Variants in PLEKHA7 observed in about 807,000 individuals in gnomAD.
PLEKHA7 encodes pleckstrin homology domain containing A7.
In PLEKHA7, 104 loss-of-function variants were observed where a neutral mutation model predicts 170.0. That is an observed-to-expected ratio of 0.61 (90% CI 0.52 to 0.72). PLEKHA7 has a LOEUF of 0.72. Among genes scored for constraint, PLEKHA7 ranks in the 30% least tolerant of loss-of-function variants. The pLI, the probability that PLEKHA7 is intolerant of heterozygous loss-of-function variation, is 0.00. For synonymous variants in PLEKHA7, 648 were observed against 660.8 expected, an observed-to-expected ratio of 0.98 and a Z score of 0.30; for missense variants, 1,615 against 1,671.7, an observed-to-expected ratio of 0.97 and a Z score of 0.59.
chr11:16,847,724 C>A lies in PLEKHA7; in HGVS notation c.696+3467G>T, dbSNP rs972136914. Among the ~76,000 whole-genome samples the A allele has an allele frequency of 1.7e-4, 26 of 151,936 alleles. 1 individual carries two copies. The South Asian group carries it at 5.2e-3, about 30-fold the overall frequency. On this transcript the variant is annotated intron_variant, in intron 8 of 26. Transcript: ENST00000531066. The stretch of plus-strand genomic sequence containing the variant: ...GGGCGCAGTGGCAGGTGCCTGTAAT[C>A]CCAGCCACTCGGAAGGCTAAGGCAG...
chr11:16,890,088 A>G (rs1469605930), intron 3 of PLEKHA7, among the ~76,000 whole-genome samples: 7 of 152,196 alleles, frequency 4.6e-5, no homozygotes, highest in Non-Finnish European at 7.3e-5. Context: ...AATGTTTCCT[A>G]GACAAGCAAA....
At position 16,951,382 on chromosome 11, in the gene PLEKHA7, G is replaced by GACA. The variant is rs538532177; in HGVS notation, c.221+62604_221+62606dup. On this transcript the variant is annotated intron_variant, in intron 3 of 26. Coordinates refer to ENST00000531066, the MANE Select transcript of PLEKHA7 (RefSeq NM_001329630.2). ...TGATGATGATGATGATGACGAAGAAGACAACAACAATAACGGTGCATTCTA... is the reference window on the plus strand; with the variant it reads ...TGATGATGATGATGATGACGAAGAAGACAACAACAACAATAACGGTGCATTCTA... Among the ~76,000 whole-genome samples, 30 of 152,312 alleles carry GACA rather than the reference G, an allele frequency of 2.0e-4. 1 individual carries two copies. The South Asian group carries it at 6.0e-3, about 31-fold the overall frequency.
intron 9 of PLEKHA7, among the ~76,000 whole-genome samples, chr11:16,840,026 T>C (rs1334481431): frequency 6.6e-6 from 1 of 152,120 alleles, no homozygotes; most frequent in Non-Finnish European, 1.5e-5. Context: ...CGCAGGCTAC[T>C]GGCAGAGTCT....
At chr11:16,888,750 T>C (rs1856376207) in intron 3 of PLEKHA7, among the ~76,000 whole-genome samples, 1 of 152,136 alleles carries the variant, frequency 6.6e-6, no homozygotes, top group Non-Finnish European at 1.5e-5. Context: ...CCAGAGACCC[T>C]TGTTCACTTG....
chr11:16,953,628 A>G (rs1479587288), intron 3 of PLEKHA7, among the ~76,000 whole-genome samples: 2 of 152,196 alleles, frequency 1.3e-5, no homozygotes, highest in African/African-American at 4.8e-5. Context: ...AAACTTACAC[A>G]AAGTTTATAT....
In PLEKHA7 at chr11:16,826,469, T is replaced by C. The variant is rs537153018; in HGVS notation, c.994A>G (p.Ile332Val). Reference protein sequence around the residue: ...RDCPHRGHDDIVNFERQEQEG... With the variant: ...RDCPHRGHDDVVNFERQEQEG... ...TGCTCCTGCCTCTCGAAGTTGACAA[T>C]GTCATCATGGCCACGATGAGGACAA... Residue 332 changes from isoleucine (I) to valine (V), a missense_variant, in exon 10 of 27, where the codon ATT becomes GTT. By Grantham distance (29) the Ile-to-Val change is conservative. Transcript: ENST00000531066. 2.7e-5 allele frequency: 44 copies of C among 1,614,216 alleles called. No individual in the cohort carries two copies. In the East Asian group the frequency reaches 6.0e-4, roughly 22 times the overall value.
chr11:16,866,460 C>T lies in PLEKHA7; in HGVS notation c.305+4639G>A, dbSNP rs139088284. ...TACAAAAATTAGCTGGGTGTGGTGG[C>T]GGGCACCTGTAATCCCAGCTACTCG... On this transcript the variant is annotated intron_variant, in intron 4 of 26. Coordinates refer to ENST00000531066, the MANE Select transcript of PLEKHA7 (RefSeq NM_001329630.2). 8.0e-3 allele frequency among the ~76,000 whole-genome samples: 1,214 copies of T among 152,048 alleles called. 19 individuals are homozygous for T. The highest frequency in any genetic ancestry group is 0.027 in the African/African-American group (1,114 of 41,486).
intron 3 of PLEKHA7, among the ~76,000 whole-genome samples, chr11:17,005,182 T>C (rs1181164062): frequency 6.6e-6 from 1 of 152,208 alleles, no homozygotes; most frequent in Non-Finnish European, 1.5e-5. Flanking sequence ...GCTGTCTTAA[T>C]TTTTTTCCAA....
Position 16,921,941 on chromosome 11 carries a change from C to T in PLEKHA7, c.222-50759G>A, listed in dbSNP as rs564376235. Among the ~76,000 whole-genome samples the T allele has an allele frequency of 4.4e-4, 67 of 152,328 alleles. No homozygotes were observed. In the South Asian group the frequency reaches 5.6e-3, roughly 13 times the overall value. ...TCCAGTTGCTCTTAGGACTAATATT[C>T]CCTAATCCTGGCTGGACCAGAGAAG... is the stretch of plus-strand genomic sequence containing the variant. On this transcript the variant is annotated intron_variant, in intron 3 of 26. Transcript: ENST00000531066.
chr11:16,826,044 G>C (rs1307772276), intron 10 of PLEKHA7, 76 bp downstream of exon 10: 23 of 1,439,806 alleles, frequency 1.6e-5, no homozygotes, highest in African/African-American at 2.8e-5. Flanking sequence ...TACGCAGCAA[G>C]TGCTGGCTAA....
At chr11:16,925,093 T>C (rs1590632449) in intron 3 of PLEKHA7, among the ~76,000 whole-genome samples, 1 of 151,646 alleles carries the variant, frequency 6.6e-6, no homozygotes, top group South Asian at 2.1e-4. Context: ...CTTGGCGGGG[T>C]CGCCTTTGCC....
intron 3 of PLEKHA7, among the ~76,000 whole-genome samples, chr11:16,935,473 G>T (rs921925865): frequency 1.3e-5 from 2 of 152,242 alleles, no homozygotes; most frequent in African/African-American, 4.8e-5. Flanking sequence ...AGGGGTAAAG[G>T]CATGTCAGTG....
chr11:16,791,851 AC>A lies in PLEKHA7; in HGVS notation c.2746-653del. The A allele has an allele frequency of 2.7e-6, 1 of 366,844 alleles. No homozygotes were observed. Among genetic ancestry groups the A allele is most frequent in the East Asian group, 7.5e-5 (1 of 13,276 alleles). 22.7% of individuals were successfully genotyped at this position (366,844 alleles called of 1,614,324 possible). ...TGATGAATGCAACATTTTCCTTGAA[AC>A]TCCCTGTCCACAGTGTTCTGTGAGG... On this transcript the variant is annotated intron_variant, in intron 19 of 26. Transcript: ENST00000531066. This position sits in a 1 kb window ranked among gnomAD's most constrained non-coding sequence, Gnocchi z 4.5.
intron 23 of PLEKHA7, chr11:16,787,406 C>CAAT (rs3065388): frequency 0.3 from 47,686 of 159,892 alleles, 7,703 homozygotes; most frequent in East Asian, 0.4. Flanking sequence ...CACAAGCTCT[C>CAAT]AATGACTCCA....
chr11:16,803,660 C>A, intron 13 of PLEKHA7: 1 of 224,414 alleles, frequency 4.5e-6, no homozygotes, highest in Non-Finnish European at 9.1e-6. Flanking sequence ...TACTACTGAA[C>A]GTGGGAACAA....
Position 16,946,653 on chromosome 11 carries a change from G to A in PLEKHA7, c.221+67336C>T, listed in dbSNP as rs560237110. 1.8e-4 allele frequency among the ~76,000 whole-genome samples: 28 copies of A among 152,174 alleles called. 1 individual carries two copies. The South Asian group carries it at 5.6e-3, about 31-fold the overall frequency. On this transcript the variant is annotated intron_variant, in intron 3 of 26. Coordinates refer to ENST00000531066, the MANE Select transcript of PLEKHA7 (RefSeq NM_001329630.2). ...GTACCTAATTAGAATGGCAAATCAG[G>A]ATATCTGAAGGCTCTAGGTTTTGAA...
At chr11:16,893,527 G>A (rs1856807784) in intron 3 of PLEKHA7, among the ~76,000 whole-genome samples, 1 of 152,156 alleles carries the variant, frequency 6.6e-6, no homozygotes, top group Non-Finnish European at 1.5e-5. Context: ...CACTGTTGGG[G>A]CTGAGAAAGT....
chr11:17,001,120 C>T (rs1207865982), intron 3 of PLEKHA7, among the ~76,000 whole-genome samples: 1 of 152,136 alleles, frequency 6.6e-6, no homozygotes, highest in Non-Finnish European at 1.5e-5. Flanking sequence ...GCCTGGCCTT[C>T]CTTGGTCACC....
chr11:16,929,245 T>A (rs1859762838), intron 3 of PLEKHA7, among the ~76,000 whole-genome samples: 1 of 152,146 alleles, frequency 6.6e-6, no homozygotes, highest in Middle Eastern at 3.2e-3. Flanking sequence ...GTCGCTAGGA[T>A]ACCATGCAGG....
Sources: gnomAD v4.1 joint callset for allele counts (sites outside exome capture counted in the v4.1 genomes callset) on GRCh38, gnomAD v4.1.1 for gene constraint, Gnocchi (gnomAD v3.1) non-coding constraint, MANE v1.5 for transcripts, NCBI Gene and HGNC (gene_info 2026-07-23, HGNC 2026-07-21) for gene names.